The following FBXW8 variants were observed in gnomAD, a reference collection of about 807,000 sequenced individuals.
FBXW8 encodes the protein F-box and WD repeat domain containing 8.
A neutral mutation model predicts 65.3 loss-of-function variants in FBXW8; 57 were observed. The ratio of observed to expected loss-of-function variants is 0.87; its 90% CI spans 0.71 to 1.09. The LOEUF (loss-of-function observed/expected upper bound fraction) is 1.09, where lower values mean the gene tolerates loss of function less well. FBXW8 is among the 50% of genes least tolerant of loss of function. The pLI, the probability that FBXW8 is intolerant of heterozygous loss-of-function variation, is 0.00. For missense variants in FBXW8, 777 were observed against 814.8 expected, an observed-to-expected ratio of 0.95 and a Z score of 0.57; for synonymous variants, 308 against 330.2, an observed-to-expected ratio of 0.93 and a Z score of 0.73.
chr12:116,922,508 T>G (rs766020998), intron 1 of FBXW8, among the ~76,000 whole-genome samples: 7 of 152,220 alleles, frequency 4.6e-5, no homozygotes, highest in Non-Finnish European at 5.9e-5. Context: ...AGATGTACAT[T>G]GGGAACAAAA....
chr12:116,921,363 G>A (rs778969558), intron 1 of FBXW8, among the ~76,000 whole-genome samples: 35 of 152,310 alleles, frequency 2.3e-4, no homozygotes, highest in Non-Finnish European at 4.6e-4. Context: ...GTTAAGAGAC[G>A]AATTGTTTTT....
At chr12:116,974,997 CATG>C (rs1290310970) in intron 5 of FBXW8, among the ~76,000 whole-genome samples, 1 of 152,192 alleles carries the variant, frequency 6.6e-6, no homozygotes, top group African/African-American at 2.4e-5. Flanking sequence ...AGCAACAAAA[CATG>C]ATGATAGTGA....
rs371150811 is a variant in FBXW8 at position 117,028,356 on chromosome 12, G to A, written c.*184G>A. 4.1e-6 allele frequency: 3 copies of A among 723,946 alleles called. No homozygotes were observed. Among genetic ancestry groups the A allele is most frequent in the Non-Finnish European group, 2.2e-6 (1 of 451,732 alleles). 44.8% of individuals were successfully genotyped at this position (723,946 alleles called of 1,614,324 possible). A position where few individuals can be genotyped will look rare whatever the true frequency, so the allele number is the denominator to read the frequency against. The stretch of plus-strand genomic sequence containing the variant: ...CCCCCAGCGCCTGGGGCAAGCTGGC[G>A]TGTGCCAGGGCTCGAGTCCCACGTG... On this transcript the variant is annotated 3_prime_UTR_variant, in exon 11 of 11. Transcript: ENST00000652555. The surrounding 1 kb of genome is among the most constrained non-coding windows in gnomAD (Gnocchi z 4.1).
chr12:117,011,567 C>T lies in FBXW8; in HGVS notation c.1367+1117C>T, dbSNP rs534177986. ...TTTAGAAACTAGGCTTGATAAGTGG[C>T]CCCACATGTGGCACGGCAAAAGAAT... On this transcript the variant is annotated intron_variant, in intron 8 of 10. Coordinates refer to ENST00000652555, the MANE Select transcript of FBXW8 (RefSeq NM_153348.3). Among the ~76,000 whole-genome samples the T allele has an allele frequency of 5.9e-5, 9 of 152,266 alleles. No homozygotes were observed. The East Asian group carries it at 1.7e-3, about 29-fold the overall frequency.
chr12:117,004,643 C>T (rs1370948777), intron 7 of FBXW8, among the ~76,000 whole-genome samples: 1 of 152,230 alleles, frequency 6.6e-6, no homozygotes, highest in East Asian at 1.9e-4. Flanking sequence ...CTGAGGCAGA[C>T]ACGTTTCTGG....
chr12:116,939,688 T>C (rs966112776), intron 2 of FBXW8, among the ~76,000 whole-genome samples: 4 of 152,232 alleles, frequency 2.6e-5, no homozygotes, highest in African/African-American at 9.6e-5. Context: ...AAAGCTGCCC[T>C]GTGTTTCCTG....
intron 7 of FBXW8, among the ~76,000 whole-genome samples, chr12:116,991,756 TATTG>T (rs1268505461): frequency 6.6e-6 from 1 of 152,258 alleles, no homozygotes; most frequent in Non-Finnish European, 1.5e-5. Context: ...TGTAGTCCAT[TATTG>T]ATTAACTGTG....
intron 8 of FBXW8, among the ~76,000 whole-genome samples, chr12:117,013,207 A>G (rs1225459034): frequency 6.6e-6 from 1 of 151,872 alleles, no homozygotes; most frequent in Non-Finnish European, 1.5e-5. Flanking sequence ...ACACCACTGC[A>G]CTCCAGCCTG....
In FBXW8 at chr12:116,945,406, T is replaced by C. The variant is rs566862321; in HGVS notation, c.466T>C (p.Trp156Arg). ...WKVIAEDEVL[W>R]YRLCQQEGHL... ...GGTGATTGCAGAGGATGAGGTGCTGTGGTACAGGCTGTGCCAGCAGGAAGG... is the reference window on the plus strand; with the variant it reads ...GGTGATTGCAGAGGATGAGGTGCTGCGGTACAGGCTGTGCCAGCAGGAAGG... The change falls in exon 3 of 11, where the codon TGG becomes CGG. Residue 156 changes from tryptophan (W) to arginine (R), a missense_variant. By Grantham distance (101) the Trp-to-Arg change is moderately radical (BLOSUM62 -3). Coordinates refer to ENST00000652555, the MANE Select transcript of FBXW8 (RefSeq NM_153348.3). The C allele has an allele frequency of 1.2e-4, 196 of 1,613,970 alleles. 1 individual carries two copies. In the South Asian group the frequency reaches 2.0e-3, roughly 16 times the overall value.
intron 1 of FBXW8, among the ~76,000 whole-genome samples, chr12:116,916,473 A>G (rs1180198833): frequency 6.6e-6 from 1 of 152,228 alleles, no homozygotes; most frequent in African/African-American, 2.4e-5. Flanking sequence ...GGTCAGGGTA[A>G]TAACCACTGC....
intron 6 of FBXW8, 62 bp downstream of exon 6, chr12:116,985,464 C>A: frequency 6.6e-7 from 1 of 1,504,990 alleles, no homozygotes; most frequent in Non-Finnish European, 9.1e-7. Flanking sequence ...CTAATGTAAG[C>A]ACGTACTAAT....
chr12:116,993,938 C>G (rs998086497), intron 7 of FBXW8, among the ~76,000 whole-genome samples: 1 of 152,108 alleles, frequency 6.6e-6, no homozygotes, highest in Non-Finnish European at 1.5e-5. Context: ...TTTTATTTTT[C>G]TACATGTGGT....
chr12:116,910,975 GC>G lies in FBXW8; in HGVS notation c.-62del. On this transcript the variant is annotated 5_prime_UTR_variant, in exon 1 of 11. Transcript: ENST00000652555. Reference sequence around the variant, plus strand: ...CCGGCCGCGGCGGACACTTCCCTGGGCGGGACTGTCTCGTGGCACCCGGTGG... The same window carrying G: ...CCGGCCGCGGCGGACACTTCCCTGGGGGGACTGTCTCGTGGCACCCGGTGG... The G allele has an allele frequency of 7.7e-7, 1 of 1,303,664 alleles. No individual in the cohort carries two copies. Among genetic ancestry groups the G allele is most frequent in the South Asian group, 2.2e-5 (1 of 46,414 alleles). 80.8% of individuals were successfully genotyped at this position (1,303,664 alleles called of 1,614,324 possible).
At chr12:116,926,273 G>A (rs1881321306) in intron 1 of FBXW8, among the ~76,000 whole-genome samples, 1 of 152,140 alleles carries the variant, frequency 6.6e-6, no homozygotes, top group Non-Finnish European at 1.5e-5. Flanking sequence ...ATGAATGCGG[G>A]CTTTTCCTTG....
intron 4 of FBXW8, among the ~76,000 whole-genome samples, chr12:116,957,203 C>T (rs1389893968): frequency 2.0e-5 from 3 of 151,674 alleles, no homozygotes; most frequent in Admixed American, 6.6e-5. Flanking sequence ...AAAAATTAGC[C>T]AGGCATGGTG....
At chr12:116,941,993 G>A (rs998373708) in intron 2 of FBXW8, among the ~76,000 whole-genome samples, 4 of 152,068 alleles carry the variant, frequency 2.6e-5, no homozygotes, top group Middle Eastern at 3.4e-3. Flanking sequence ...GGCCTCTGAG[G>A]CTCTGTTCAT....
chr12:116,937,310 T>A (rs1021663282), intron 2 of FBXW8, among the ~76,000 whole-genome samples: 10 of 152,116 alleles, frequency 6.6e-5, no homozygotes, highest in Non-Finnish European at 2.9e-5. Context: ...GCCACATTGA[T>A]GGTATTTAAG....
intron 1 of FBXW8, among the ~76,000 whole-genome samples, chr12:116,926,090 T>G (rs1881306551): frequency 1.3e-5 from 2 of 152,152 alleles, no homozygotes; most frequent in Non-Finnish European, 2.9e-5. Context: ...TTACTAGAGG[T>G]AAGACTTTTC....
At chr12:116,925,808 A>C (rs1044175353) in intron 1 of FBXW8, among the ~76,000 whole-genome samples, 1 of 152,244 alleles carries the variant, frequency 6.6e-6, no homozygotes, top group African/African-American at 2.4e-5. Context: ...TCTTAATAGC[A>C]TACCTATTTC....
Sources: allele counts gnomAD v4.1 joint callset (sites outside exome capture counted in the v4.1 genomes callset), GRCh38; gene constraint gnomAD v4.1.1; non-coding constraint Gnocchi (gnomAD v3.1); transcripts MANE v1.5; gene names NCBI Gene and HGNC (gene_info 2026-07-23, HGNC 2026-07-21).